Variants in AEBP2 observed in about 807,000 individuals in gnomAD.
AEBP2 encodes the protein zinc finger protein AEBP2.
In AEBP2, 10 loss-of-function variants were observed where a neutral mutation model predicts 50.8. The observed-to-expected ratio is 0.20, with a 90% CI of 0.12 to 0.33. AEBP2 has a LOEUF of 0.33. Ranked by LOEUF, AEBP2 falls within the 10% of genes least tolerant of loss-of-function variation. The probability of loss-of-function intolerance (pLI) is 1.00; values close to 1 mark genes in which losing one functional copy is unlikely to be tolerated. For missense variants in AEBP2, 570 were observed against 688.0 expected (o/e 0.83, Z 1.92); for synonymous variants, 296 against 261.3 (o/e 1.13, Z -1.28).
intron 1 of AEBP2, among the ~76,000 whole-genome samples, chr12:19,432,924 A>G (rs1205963193): frequency 6.6e-6 from 1 of 152,156 alleles, no homozygotes; most frequent in Non-Finnish European, 1.5e-5. Context: ...TGACCCCATC[A>G]GTGCTGTGGT....
intron 3 of AEBP2, among the ~76,000 whole-genome samples, chr12:19,479,701 T>C (rs1407951241): frequency 6.9e-6 from 1 of 145,750 alleles, no homozygotes; most frequent in Non-Finnish European, 1.5e-5. Context: ...TATTATTTAA[T>C]GTCACCTCTT....
At position 19,520,518 on chromosome 12, in the gene AEBP2, T is replaced by C. The variant is rs1949381748; in HGVS notation, c.*2401T>C. On this transcript the variant is annotated 3_prime_UTR_variant, in exon 8 of 8. Coordinates refer to ENST00000266508, the MANE Select transcript of AEBP2 (RefSeq NM_153207.5). ...ATACATATATACACATAACATCCAA[T>C]TATGACTGGGTAATAAGTGTGAAAA... is the stretch of plus-strand genomic sequence containing the variant. 6.6e-6 allele frequency: 1 copy of C among 152,180 alleles called. No homozygotes were observed. The highest frequency in any genetic ancestry group is 1.5e-5 in the Non-Finnish European group (1 of 68,032). 9.4% of individuals were successfully genotyped at this position (152,180 alleles called of 1,614,324 possible).
intron 1 of AEBP2, chr12:19,457,358 GTC>G: frequency 1.4e-6 from 2 of 1,452,570 alleles, no homozygotes; most frequent in Non-Finnish European, 1.9e-6. Flanking sequence ...CTGTGGTTAA[GTC>G]TCTGTGTCCT....
At chr12:19,436,154 T>C (rs1251611553), upstream of AEBP2, among the ~76,000 whole-genome samples, 1 of 152,178 alleles carries the variant, frequency 6.6e-6, no homozygotes, top group East Asian at 1.9e-4. Context: ...CCTCTGGTCA[T>C]CGTAGCTACT....
intron 3 of AEBP2, among the ~76,000 whole-genome samples, chr12:19,473,901 A>G (rs961629539): frequency 6.6e-6 from 1 of 152,092 alleles, no homozygotes; most frequent in East Asian, 1.9e-4. Context: ...TTGCTGTTGG[A>G]TTAGGGTCTT....
Position 19,420,109 on chromosome 12 carries a change from C to T in AEBP2, c.-17+15893C>T, listed in dbSNP as rs111617413. Among the ~76,000 whole-genome samples, 801 of 144,158 alleles carry T rather than the reference C, an allele frequency of 5.6e-3. 5 individuals carry two copies. Among genetic ancestry groups the T allele is most frequent in the African/African-American group, 0.016 (619 of 39,216 alleles). The allele number at this position is 144,158 out of a possible 152,430, so 94.6% of individuals were successfully genotyped here. ...CACGATCTCAACTCACTGCAACTTA[C>T]GCCTCCCAGGTTCAAGGGATTCTCC... On this transcript the variant is annotated intron_variant, in intron 1 of 3. Transcript: ENST00000538425.
chr12:19,408,894 C>G (rs1313245097), intron 1 of AEBP2, among the ~76,000 whole-genome samples: 1 of 135,190 alleles, frequency 7.4e-6, no homozygotes, highest in African/African-American at 2.9e-5. Context: ...CAGAGTGAGA[C>G]TCTGTCTCAA....
intron 6 of AEBP2, 132 bp from the exon 7 acceptor site, chr12:19,514,539 T>G (rs1825134640): frequency 1.7e-6 from 1 of 597,628 alleles, no homozygotes; most frequent in South Asian, 3.0e-5. Context: ...TGAGCTTCCC[T>G]GGCTTCTGGG....
At chr12:19,418,722 A>G (rs562208862) in intron 1 of AEBP2, among the ~76,000 whole-genome samples, 13 of 152,200 alleles carry the variant, frequency 8.5e-5, no homozygotes, top group South Asian at 4.2e-4. Flanking sequence ...CTGTAACCCA[A>G]CTACCTTGGG....
chr12:19,438,335 A>G (rs115407991), upstream of AEBP2, among the ~76,000 whole-genome samples: 2,099 of 152,322 alleles, frequency 0.014, 40 homozygotes, highest in African/African-American at 0.048. Context: ...AAAGGCATTC[A>G]AAGAATTGTG....
intron 1 of AEBP2, among the ~76,000 whole-genome samples, chr12:19,416,622 CT>C (rs527414094): frequency 1.5e-3 from 192 of 126,402 alleles, no homozygotes; most frequent in East Asian, 2.3e-3. Context: ...CCAGGCTGGT[CT>C]TTTTTTTTTT....
At chr12:19,491,855 T>TGA (rs201338464) in intron 3 of AEBP2, among the ~76,000 whole-genome samples, 3,265 of 152,310 alleles carry the variant, frequency 0.021, 39 homozygotes, top group East Asian at 0.041. Context: ...AAGTGTGAGT[T>TGA]GACATAGATA....
chr12:19,513,032 T>C (rs1447023429), intron 6 of AEBP2, among the ~76,000 whole-genome samples: 1 of 152,192 alleles, frequency 6.6e-6, no homozygotes, highest in Non-Finnish European at 1.5e-5. Flanking sequence ...TTTTTTGTTT[T>C]GTTTTTTGAG....
chr12:19,452,373 C>T (rs1425847702), intron 1 of AEBP2, among the ~76,000 whole-genome samples: 1 of 152,198 alleles, frequency 6.6e-6, no homozygotes, highest in Non-Finnish European at 1.5e-5. Context: ...GCTGTGTTAG[C>T]TGTTAATATA....
Position 19,518,282 on chromosome 12 carries a change from C to G in AEBP2, c.*165C>G, listed in dbSNP as rs1949348561. ...AATATTTATGCTTAGTGTAAACATT[C>G]TGTGAATGAAGTAGACTCTTCGGTG... On this transcript the variant is annotated 3_prime_UTR_variant, in exon 8 of 8. Coordinates refer to ENST00000266508, the MANE Select transcript of AEBP2 (RefSeq NM_153207.5). 1 of 1,276,212 alleles carries G rather than the reference C, an allele frequency of 7.8e-7. No homozygotes were observed. 79.1% of individuals were successfully genotyped at this position (1,276,212 alleles called of 1,614,324 possible).
At chr12:19,477,132 G>T (rs1261563402) in intron 3 of AEBP2, among the ~76,000 whole-genome samples, 1 of 151,790 alleles carries the variant, frequency 6.6e-6, no homozygotes, top group African/African-American at 2.4e-5. Context: ...TTGGTGTAGA[G>T]CAGTGTTATT....
intron 4 of AEBP2, among the ~76,000 whole-genome samples, chr12:19,495,879 T>G (rs1296434949): frequency 1.3e-5 from 2 of 152,198 alleles, no homozygotes; most frequent in East Asian, 3.9e-4. Context: ...CATGTTTAAT[T>G]TTAATCAACG....
chr12:19,439,795 G>A lies in AEBP2; in HGVS notation c.96G>A (p.Arg32=). 3 of 1,514,056 alleles carry A rather than the reference G, an allele frequency of 2.0e-6. No homozygotes were observed. Among genetic ancestry groups the A allele is most frequent in the Middle Eastern group, 1.9e-4 (1 of 5,180 alleles). 93.8% of individuals were successfully genotyped at this position (1,514,056 alleles called of 1,614,324 possible). ...GCCCGGGTTCGGCGGCGCGGGGCCG[G>A]GCTGAGCCCCCCGAGGAGGAGGAGG... The part of the protein sequence containing the change: ...PGSPGSAARG[R]AEPPEEEEEE... Residue 32 remains arginine (R), a synonymous_variant, in exon 1 of 8, where the codon CGG becomes CGA. Coordinates refer to ENST00000266508, the MANE Select transcript of AEBP2 (RefSeq NM_153207.5).
chr12:19,513,711 C>T lies in AEBP2; in HGVS notation c.1368-960C>T, dbSNP rs114445503. 2.5e-3 allele frequency among the ~76,000 whole-genome samples: 386 copies of T among 152,184 alleles called. 2 individuals carry two copies. The highest frequency in any genetic ancestry group is 9.0e-3 in the African/African-American group (372 of 41,528). ...CCAGGAGGTTGAAGCTGCAGTGAGC[C>T]GTGATTGTACCACTGCAACTCAAGC... is the stretch of plus-strand genomic sequence containing the variant. On this transcript the variant is annotated intron_variant, in intron 6 of 7. Transcript: ENST00000266508.
Sources: allele counts gnomAD v4.1 joint callset (sites outside exome capture counted in the v4.1 genomes callset), GRCh38; gene constraint gnomAD v4.1.1; transcripts MANE v1.5; gene names NCBI Gene and HGNC (gene_info 2026-07-23, HGNC 2026-07-21).